CD82: variants seen among roughly 807,000 people sequenced by gnomAD.
CD82 encodes the protein CD82 antigen.
A neutral mutation model predicts 37.4 loss-of-function variants in CD82; 36 were observed. The observed-to-expected ratio is 0.96, with a 90% CI of 0.74 to 1.27. CD82 has a LOEUF of 1.27. Ranked by LOEUF, CD82 falls within the 50% of genes most tolerant of loss-of-function variation. CD82 has a pLI of 0.00. For synonymous variants in CD82, 158 were observed against 137.4 expected, an observed-to-expected ratio of 1.15 and a Z score of -1.05; for missense variants, 340 against 347.0, an observed-to-expected ratio of 0.98 and a Z score of 0.16.
intron 1 of CD82, among the ~76,000 whole-genome samples, chr11:44,579,059 G>A (rs1284895326): frequency 2.0e-5 from 3 of 152,154 alleles, no homozygotes; most frequent in East Asian, 1.9e-4. Context: ...CAGAATGGCT[G>A]GACCAGAGCA....
rs11365197 is a variant in CD82, at chr11:44,597,361, TG to T, written c.63+2641del. On this transcript the variant is annotated intron_variant, in intron 3 of 9. Coordinates refer to ENST00000227155, the MANE Select transcript of CD82 (RefSeq NM_002231.4). This position sits in a 1 kb window ranked among gnomAD's most constrained non-coding sequence, Gnocchi z 4.1. ...TCCCATCTGGGGATTGGGGAAGGGC[TG>T]GGGGAGTGATTAACATGGGGCCTGC... is the stretch of plus-strand genomic sequence containing the variant. Among the ~76,000 whole-genome samples the T allele has an allele frequency of 0.41, 62,995 of 152,036 alleles. 14,171 individuals are homozygous for T. The highest frequency in any genetic ancestry group is 0.58 in the African/African-American group (24,154 of 41,450).
chr11:44,591,596 A>G (rs1189015709), intron 2 of CD82, among the ~76,000 whole-genome samples: 3 of 152,158 alleles, frequency 2.0e-5, no homozygotes, highest in African/African-American at 7.2e-5. Flanking sequence ...GGACCACTTC[A>G]CAGAAGAAAG....
At chr11:44,618,903 G>A (rs763656690) in intron 9 of CD82, 146 bp from the exon 10 acceptor site, 2 of 839,876 alleles carry the variant, frequency 2.4e-6, no homozygotes, top group Admixed American at 2.0e-5. Context: ...CCCGCTCTGG[G>A]CCTCCCTCTG....
intron 1 of CD82, among the ~76,000 whole-genome samples, chr11:44,567,727 G>T (rs899160365): frequency 3.9e-5 from 6 of 152,086 alleles, no homozygotes; most frequent in African/African-American, 1.4e-4. Flanking sequence ...TGAATGACAA[G>T]CGACCACATA....
At chr11:44,566,287 A>AC (rs1204461470) in intron 1 of CD82, 1 of 151,994 alleles carries the variant, frequency 6.6e-6, no homozygotes, top group Non-Finnish European at 1.5e-5. Context: ...ACTGAGCCGG[A>AC]CCCCCTAAGA....
At chr11:44,585,674 G>T (rs1323971697) in intron 1 of CD82, among the ~76,000 whole-genome samples, 2 of 152,212 alleles carry the variant, frequency 1.3e-5, no homozygotes. Context: ...CCAAGGGCCG[G>T]CTCTGTGATT....
Position 44,619,143 on chromosome 11 carries a change from A to G in CD82, c.*17A>G, listed in dbSNP as rs1277962088. 2 of 1,605,140 alleles carry G rather than the reference A, an allele frequency of 1.2e-6. No individual in the cohort carries two copies. Among genetic ancestry groups the G allele is most frequent in the Non-Finnish European group, 1.7e-6 (2 of 1,172,468 alleles). On this transcript the variant is annotated 3_prime_UTR_variant, in exon 10 of 10. Transcript: ENST00000227155. ...AAGTACTGAGGCAGCTGCTATCCCC[A>G]TCTCCCTGCCTGGCCCCCAACCTCA...
chr11:44,615,161 G>T, intron 6 of CD82, 111 bp from the exon 7 acceptor site: 1 of 701,462 alleles, frequency 1.4e-6, no homozygotes, highest in Admixed American at 2.1e-5. Flanking sequence ...AGCCATGAGC[G>T]TGTCCCAGGG....
At chr11:44,572,772 G>C (rs991265321) in intron 1 of CD82, among the ~76,000 whole-genome samples, 1 of 152,232 alleles carries the variant, frequency 6.6e-6, no homozygotes, top group Non-Finnish European at 1.5e-5. Flanking sequence ...CTGTGAAATA[G>C]GGATGGGCTG....
rs1210103164 is a variant in CD82, at chr11:44,618,954, ATC to A, written c.727-94_727-93del. On this transcript the variant is annotated intron_variant, in intron 9 of 9. Coordinates refer to ENST00000227155, the MANE Select transcript of CD82 (RefSeq NM_002231.4). Reference sequence around the variant, plus strand: ...GGTGGTTGTGAGGCTCAAGTTGAGGATCCACTTAATCCCCATGTAAACCTGGA... The same window carrying A: ...GGTGGTTGTGAGGCTCAAGTTGAGGACACTTAATCCCCATGTAAACCTGGA... 98 of 1,115,662 alleles carry A rather than the reference ATC, an allele frequency of 8.8e-5. No individual in the cohort carries two copies. The East Asian group carries it at 2.3e-3, about 26-fold the overall frequency. 69.1% of individuals were successfully genotyped at this position (1,115,662 alleles called of 1,614,324 possible).
At chr11:44,584,126 A>C (rs950132894) in intron 1 of CD82, among the ~76,000 whole-genome samples, 1 of 151,962 alleles carries the variant, frequency 6.6e-6, no homozygotes, top group African/African-American at 2.4e-5. Flanking sequence ...AGCTCCTTCC[A>C]TGTCATTTTC....
At chr11:44,587,147 A>G (rs1156576226) in intron 1 of CD82, 2 of 334,948 alleles carry the variant, frequency 6.0e-6, no homozygotes, top group African/African-American at 4.3e-5. Context: ...TTCTGAATAG[A>G]TTGGGTGTTT....
chr11:44,570,511 CG>C (rs1468381125), intron 1 of CD82, among the ~76,000 whole-genome samples: 1 of 152,146 alleles, frequency 6.6e-6, no homozygotes, highest in African/African-American at 2.4e-5. Context: ...TGGGTGAGGC[CG>C]GGGGTATCAG....
chr11:44,572,232 A>G (rs914742392), intron 1 of CD82, among the ~76,000 whole-genome samples: 2 of 151,986 alleles, frequency 1.3e-5, no homozygotes, highest in African/African-American at 4.8e-5. Context: ...CTCCCCTACA[A>G]CTCTACTCTA....
chr11:44,608,188 C>T (rs567393297), intron 6 of CD82: 1 of 152,256 alleles, frequency 6.6e-6, no homozygotes, highest in Non-Finnish European at 1.5e-5. Context: ...GCAGACAAGG[C>T]TCAGCGTGGG....
At chr11:44,571,840 G>C (rs1471377076) in intron 1 of CD82, among the ~76,000 whole-genome samples, 2 of 152,166 alleles carry the variant, frequency 1.3e-5, no homozygotes, top group African/African-American at 4.8e-5. Flanking sequence ...CTCCCAAAGG[G>C]ATTACAGGCA....
upstream of CD82, chr11:44,564,546 G>A (rs749970155): frequency 2.0e-5 from 9 of 455,116 alleles, no homozygotes; most frequent in South Asian, 1.1e-4. Flanking sequence ...GGAGGGCAGA[G>A]GGCTGGGACG....
intron 2 of CD82, among the ~76,000 whole-genome samples, chr11:44,591,294 C>T (rs1263172502): frequency 1.3e-5 from 2 of 152,178 alleles, no homozygotes; most frequent in African/African-American, 2.4e-5. Context: ...CTTGGGCAGG[C>T]TCCTTCTCCC....
In CD82 at chr11:44,601,032, G is replaced by A. The variant is rs77259401; in HGVS notation, c.136+802G>A. On this transcript the variant is annotated intron_variant, in intron 4 of 9. Coordinates refer to ENST00000227155, the MANE Select transcript of CD82 (RefSeq NM_002231.4). ...TTTACAGGGATAAGAGCCCTTCTGC[G>A]CCTGCTCGGCCTCCTCCAGGAAGCC... Among the ~76,000 whole-genome samples the A allele has an allele frequency of 5.7e-4, 87 of 152,260 alleles. 1 individual carries two copies. The East Asian group carries it at 0.014, about 25-fold the overall frequency.
Sources: gnomAD v4.1 joint callset for allele counts (sites outside exome capture counted in the v4.1 genomes callset) on GRCh38, gnomAD v4.1.1 for gene constraint, Gnocchi (gnomAD v3.1) non-coding constraint, MANE v1.5 for transcripts, NCBI Gene and HGNC (gene_info 2026-07-23, HGNC 2026-07-21) for gene names.